The following NUDCD1 variants were observed in gnomAD, a reference collection of about 807,000 sequenced individuals.
The protein encoded by NUDCD1 is nudC domain-containing protein 1.
NUDCD1 carries 60 observed loss-of-function variants against 67.8 expected under a neutral mutation model. The ratio of observed to expected loss-of-function variants is 0.88; its 90% CI spans 0.72 to 1.10. NUDCD1 has a LOEUF of 1.10. NUDCD1 is among the 50% of genes least tolerant of loss of function. The pLI is 0.00. For synonymous variants in NUDCD1, 244 were observed against 230.8 expected, an observed-to-expected ratio of 1.06 and a Z score of -0.52; for missense variants, 643 against 695.0, an observed-to-expected ratio of 0.93 and a Z score of 0.84.
intron 8 of NUDCD1, among the ~76,000 whole-genome samples, chr8:109,270,171 T>G (rs988913202): frequency 2.1e-5 from 3 of 143,962 alleles, no homozygotes; most frequent in Non-Finnish European, 3.0e-5. Context: ...ATGAGCTGAA[T>G]AAAAAACATT....
Position 109,271,086 on chromosome 8 carries a change from C to T in NUDCD1, c.1218G>A (p.Glu406=), listed in dbSNP as rs143686642. 6.3e-7 allele frequency: 1 copy of T among 1,593,406 alleles called. No individual in the cohort carries two copies. Among genetic ancestry groups the T allele is most frequent in the Non-Finnish European group, 8.6e-7 (1 of 1,164,788 alleles). The change falls in exon 8 of 10, where the codon GAG becomes GAA. Residue 406 remains glutamate, a synonymous_variant. Transcript: ENST00000239690. ...DKEKPPCNAQ[E]LEECDIFFEE... is the part of the protein sequence containing the mutation. ...CAAAGAAAATATCACATTCTTCTAA[C>T]TCTTGAGCATTGCAAGGTGGTTTTT...
chr8:109,262,153 T>C (rs981599696), intron 8 of NUDCD1, among the ~76,000 whole-genome samples: 2 of 152,242 alleles, frequency 1.3e-5, no homozygotes, highest in African/African-American at 4.8e-5. Flanking sequence ...TTACTTCGTA[T>C]TGTTTTAAGT....
chr8:109,325,182 T>C (rs1226919805), intron 1 of NUDCD1, among the ~76,000 whole-genome samples: 1 of 151,984 alleles, frequency 6.6e-6, no homozygotes, highest in African/African-American at 2.4e-5. Context: ...GAAAGATAGT[T>C]ATCAGAGGCT....
chr8:109,314,639 C>T (rs1586304099), intron 2 of NUDCD1, among the ~76,000 whole-genome samples: 1 of 152,162 alleles, frequency 6.6e-6, no homozygotes, highest in East Asian at 1.9e-4. Flanking sequence ...CATCCCCAAC[C>T]CCCCAAATCA....
chr8:109,325,417 T>C (rs1586313951), intron 1 of NUDCD1, among the ~76,000 whole-genome samples: 1 of 152,206 alleles, frequency 6.6e-6, no homozygotes. Flanking sequence ...TAAATACTGA[T>C]TTGATCATTA....
intron 7 of NUDCD1, among the ~76,000 whole-genome samples, chr8:109,272,414 T>A (rs116584337): frequency 3.2e-4 from 48 of 151,454 alleles, no homozygotes; most frequent in African/African-American, 1.2e-3. Flanking sequence ...AACAGAAACA[T>A]TGAAATATAG....
chr8:109,243,392 T>TAAAC, intron 9 of NUDCD1, 91 bp from the exon 10 acceptor site: 2 of 1,059,472 alleles, frequency 1.9e-6, no homozygotes, highest in Non-Finnish European at 2.7e-6. Context: ...TTGCAATGTT[T>TAAAC]ATTACAAATT....
chr8:109,282,386 C>T (rs2129989787), intron 5 of NUDCD1, among the ~76,000 whole-genome samples: 1 of 152,222 alleles, frequency 6.6e-6, no homozygotes, highest in South Asian at 2.1e-4. Context: ...AACAGAAGTG[C>T]ATAGGGCTAT....
At chr8:109,261,735 T>C in intron 8 of NUDCD1, among the ~76,000 whole-genome samples, 1 of 152,308 alleles carries the variant, frequency 6.6e-6, no homozygotes. Flanking sequence ...TTAAACAATA[T>C]ATATTTTTAA....
chr8:109,243,929 A>C (rs942141443), intron 9 of NUDCD1, among the ~76,000 whole-genome samples: 3 of 152,130 alleles, frequency 2.0e-5, no homozygotes, highest in African/African-American at 7.2e-5. Flanking sequence ...AATAATTTCA[A>C]GTCTCTAAAC....
rs575666727 is a variant in NUDCD1 at position 109,334,058 on chromosome 8, G to A, written c.-48C>T. On this transcript the variant is annotated 5_prime_UTR_variant, in exon 1 of 10. Transcript: ENST00000239690. ...AGAATTAATAAAGCCCTTGTTGAAA[G>A]GTCCGCGCTTCACGCCTCGCACAGA... The A allele has an allele frequency of 1.2e-5, 20 of 1,611,312 alleles. No homozygotes were observed. In the East Asian group the frequency reaches 3.6e-4, roughly 29 times the overall value.
intron 9 of NUDCD1, among the ~76,000 whole-genome samples, chr8:109,244,231 A>G (rs1233267690): frequency 6.6e-6 from 1 of 152,144 alleles, no homozygotes; most frequent in Non-Finnish European, 1.5e-5. Context: ...CTATTTAAAT[A>G]GTTTAAAGTA....
In NUDCD1 at chr8:109,245,407, G is replaced by T; in HGVS notation, c.1374C>A (p.Arg458=). 6.2e-7 allele frequency: 1 copy of T among 1,613,710 alleles called. No individual in the cohort carries two copies. ...GCCAGAGTAGGGCATCAACATCATG[G>T]CGCAAACAGAAGCAGGGCATTTCTT... ...DPKEMPCFCL[R]HDVDALLWQP... The change falls in exon 9 of 10, where the codon CGC becomes CGA. Residue 458 remains arginine, a synonymous_variant. Transcript: ENST00000239690.
chr8:109,331,170 G>A lies in NUDCD1; in HGVS notation c.118+2723C>T, dbSNP rs1340061266. Among the ~76,000 whole-genome samples, 9 of 152,000 alleles carry A rather than the reference G, an allele frequency of 5.9e-5. No homozygotes were observed. The South Asian group carries it at 6.2e-4, about 11-fold the overall frequency. Reference sequence around the variant, plus strand: ...AGCTTGGCCAAGATAGTAAAACTCCGTCTCTAATACAAAAATTAGCTGGGC... The same window carrying A: ...AGCTTGGCCAAGATAGTAAAACTCCATCTCTAATACAAAAATTAGCTGGGC... On this transcript the variant is annotated intron_variant, in intron 1 of 9. Transcript: ENST00000239690.
chr8:109,330,375 A>G (rs1406499181), intron 1 of NUDCD1, among the ~76,000 whole-genome samples: 1 of 152,244 alleles, frequency 6.6e-6, no homozygotes, highest in African/African-American at 2.4e-5. Flanking sequence ...TCAGGTAGCC[A>G]AGGTGCCCAT....
At chr8:109,296,224 T>C (rs1814837973) in intron 3 of NUDCD1, among the ~76,000 whole-genome samples, 160 bp downstream of exon 3, 1 of 152,210 alleles carries the variant, frequency 6.6e-6, no homozygotes, top group East Asian at 1.9e-4. Context: ...GTGAAAAATA[T>C]ATATGTTATA....
intron 4 of NUDCD1, among the ~76,000 whole-genome samples, chr8:109,291,656 C>T (rs1222734057): frequency 1.3e-5 from 2 of 151,776 alleles, no homozygotes; most frequent in East Asian, 3.9e-4. Flanking sequence ...AGAGAAGGAA[C>T]AAGATATAAA....
intron 1 of NUDCD1, 35 bp from the exon 2 acceptor site, chr8:109,322,498 A>G (rs758904364): frequency 6.4e-7 from 1 of 1,554,624 alleles, no homozygotes; most frequent in South Asian, 1.2e-5. Context: ...AAACATCAAG[A>G]GTTTTGCCTC....
At chr8:109,246,246 T>G (rs1813493684) in intron 8 of NUDCD1, among the ~76,000 whole-genome samples, 1 of 152,194 alleles carries the variant, frequency 6.6e-6, no homozygotes, top group Non-Finnish European at 1.5e-5. Context: ...TGCTAACTTG[T>G]AATAATTACC....
Sources: allele counts gnomAD v4.1 joint callset (sites outside exome capture counted in the v4.1 genomes callset), GRCh38; gene constraint gnomAD v4.1.1; transcripts MANE v1.5; gene names NCBI Gene and HGNC (gene_info 2026-07-23, HGNC 2026-07-21).